GPC3: variants seen among roughly 807,000 people sequenced by gnomAD.
GPC3 encodes the protein glypican 3, also known as glypican-3.
A neutral mutation model predicts 34.4 loss-of-function variants in GPC3; 3 were observed. The ratio of observed to expected loss-of-function variants is 0.09; its 90% CI spans 0.04 to 0.23. The LOEUF is 0.23. Among genes scored for constraint, GPC3 ranks in the 10% least tolerant of loss-of-function variants. GPC3 has a pLI of 1.00. For missense variants in GPC3, 351 were observed against 445.6 expected (o/e 0.79, Z 1.91); for synonymous variants, 177 against 174.0 (o/e 1.02, Z -0.13).
At chrX:133,827,837 C>T (rs1360221533) in intron 2 of GPC3, among the ~76,000 whole-genome samples, 1 of 103,104 alleles carries the variant, frequency 9.7e-6, no homozygotes, top group Admixed American at 1.1e-4. Flanking sequence ...CCCAGCTACT[C>T]GGGAGGTTGA....
chrX:133,844,345 T>C (rs1041887495), intron 2 of GPC3, among the ~76,000 whole-genome samples: 4 of 112,439 alleles, frequency 3.6e-5, no homozygotes, highest in Non-Finnish European at 1.9e-5. Flanking sequence ...TTAGCTTGAT[T>C]GTGATCATCA....
intron 3 of GPC3, among the ~76,000 whole-genome samples, chrX:133,703,682 G>T (rs1209131053): frequency 9.0e-6 from 1 of 111,614 alleles, no homozygotes; most frequent in East Asian, 2.8e-4. Flanking sequence ...GGATGGTCTT[G>T]ATCTCCTGAC....
chrX:133,767,958 G>A (rs2071867428), intron 2 of GPC3, among the ~76,000 whole-genome samples: 1 of 108,655 alleles, frequency 9.2e-6, no homozygotes, highest in African/African-American at 3.4e-5. Flanking sequence ...GAATAGGGTG[G>A]CGGGGTGGGG....
chrX:133,715,308 G>A lies in GPC3; in HGVS notation c.1033-15280C>T, dbSNP rs1330817837. Among the ~76,000 whole-genome samples the A allele has an allele frequency of 2.7e-5, 3 of 112,123 alleles. No individual in the cohort carries two copies. In the Admixed American group the frequency reaches 2.8e-4, roughly 11 times the overall value. On this transcript the variant is annotated intron_variant, in intron 3 of 7. Transcript: ENST00000370818. ...GCACTTGGGCCTTTGGCCACAGACT[G>A]AAGGCTGCACTGTCAGCTTCTCTAC...
chrX:133,686,808 C>T (rs952957960), intron 5 of GPC3, among the ~76,000 whole-genome samples: 3 of 109,123 alleles, frequency 2.7e-5, no homozygotes, highest in Non-Finnish European at 5.7e-5. Flanking sequence ...CACACACTTG[C>T]GCCTGCACAC....
intron 1 of GPC3, among the ~76,000 whole-genome samples, chrX:133,964,217 G>T (rs1250611058): frequency 8.9e-6 from 1 of 111,791 alleles, no homozygotes; most frequent in Non-Finnish European, 1.9e-5. Context: ...CACTTTGCAC[G>T]CAAGTTGTAC....
chrX:133,710,053 G>C (rs973036501), intron 3 of GPC3, among the ~76,000 whole-genome samples: 4 of 111,395 alleles, frequency 3.6e-5, no homozygotes, highest in African/African-American at 1.3e-4. Context: ...ATTGTTAATT[G>C]CTTGACCATT....
chrX:133,768,794 G>T (rs1030316273), intron 2 of GPC3, among the ~76,000 whole-genome samples: 1 of 110,246 alleles, frequency 9.1e-6, no homozygotes, highest in South Asian at 3.9e-4. Flanking sequence ...CAAAAAACTA[G>T]CCAGGTGTGG....
At chrX:133,786,385 A>G (rs1356467406) in intron 2 of GPC3, among the ~76,000 whole-genome samples, 1 of 112,396 alleles carries the variant, frequency 8.9e-6, no homozygotes, top group Non-Finnish European at 1.9e-5. Flanking sequence ...ACAAGAGCGA[A>G]ACTCTGCCGA....
At chrX:133,589,534 A>T (rs2069826154) in intron 7 of GPC3, among the ~76,000 whole-genome samples, 1 of 110,095 alleles carries the variant, frequency 9.1e-6, no homozygotes, top group Admixed American at 9.6e-5. Context: ...GCACCACCAC[A>T]CCTGGCTAAT....
chrX:133,561,322 A>G (rs936371511), intron 7 of GPC3, among the ~76,000 whole-genome samples: 1 of 112,365 alleles, frequency 8.9e-6, no homozygotes. Context: ...GTCTTTATAC[A>G]TCCTACAATC....
At chrX:133,785,624 T>C (rs977135538) in intron 2 of GPC3, among the ~76,000 whole-genome samples, 2 of 112,146 alleles carry the variant, frequency 1.8e-5, no homozygotes, top group Admixed American at 9.4e-5. Context: ...TACTGGTTTT[T>C]GCACTTACTC....
intron 1 of GPC3, among the ~76,000 whole-genome samples, chrX:133,971,211 A>G (rs1352239439): frequency 8.9e-6 from 1 of 112,673 alleles, no homozygotes; most frequent in Non-Finnish European, 1.9e-5. Context: ...AATGTAAACT[A>G]CATAGCAATG....
intron 3 of GPC3, among the ~76,000 whole-genome samples, chrX:133,703,145 A>G (rs2071180778): frequency 8.9e-6 from 1 of 111,764 alleles, no homozygotes; most frequent in Non-Finnish European, 1.9e-5. Context: ...CATTTTAGAA[A>G]TCAGTATCCT....
At chrX:133,951,047 A>T (rs868096567) in intron 2 of GPC3, among the ~76,000 whole-genome samples, 1 of 76,697 alleles carries the variant, frequency 1.3e-5, no homozygotes, top group African/African-American at 4.7e-5. Context: ...AATTCAAGAA[A>T]GTGTGTGTGT....
intron 2 of GPC3, among the ~76,000 whole-genome samples, chrX:133,791,267 C>G (rs1193623206): frequency 9.0e-6 from 1 of 111,478 alleles, no homozygotes; most frequent in Non-Finnish European, 1.9e-5. Context: ...AAACTCATCC[C>G]TTAGCACACA....
intron 2 of GPC3, among the ~76,000 whole-genome samples, chrX:133,788,510 G>A (rs912167529): frequency 1.8e-5 from 2 of 109,609 alleles, no homozygotes; most frequent in Non-Finnish European, 3.8e-5. Flanking sequence ...TCAAGAGGTT[G>A]CCCCTTTCTT....
chrX:133,985,123 C>G (rs2076560701), intron 1 of GPC3, 152 bp downstream of exon 1: 1 of 555,789 alleles, frequency 1.8e-6, no homozygotes, highest in East Asian at 3.6e-5. Context: ...TCAGTAGACC[C>G]AGCCAGGCCC....
chrX:133,799,809 C>T (rs112999239), intron 2 of GPC3, among the ~76,000 whole-genome samples: 1,555 of 111,335 alleles, frequency 0.014, 39 homozygotes, highest in African/African-American at 0.048. Flanking sequence ...TTAAGAGGGG[C>T]TTCAGATAGC....
Sources: allele counts gnomAD v4.1 joint callset (sites outside exome capture counted in the v4.1 genomes callset), GRCh38; gene constraint gnomAD v4.1.1; transcripts MANE v1.5; gene names NCBI Gene and HGNC (gene_info 2026-07-23, HGNC 2026-07-21).